The following SORCS2 variants were observed in gnomAD, a reference collection of about 807,000 sequenced individuals.
The protein encoded by SORCS2 is sortilin related VPS10 domain containing receptor 2, also known as VPS10 domain-containing receptor SorCS2.
A neutral mutation model predicts 141.6 loss-of-function variants in SORCS2; 100 were observed. That is an observed-to-expected ratio of 0.71 (90% CI 0.60 to 0.83). The LOEUF (loss-of-function observed/expected upper bound fraction) is 0.83, where lower values mean the gene tolerates loss of function less well. Ranked by LOEUF, SORCS2 falls within the 40% of genes least tolerant of loss-of-function variation. The pLI is 0.00. For missense variants in SORCS2, 1,646 were observed against 1,560.2 expected (o/e 1.05, Z -0.93); for synonymous variants, 789 against 676.9 (o/e 1.17, Z -2.57).
At position 7,676,070 on chromosome 4, in the gene SORCS2, G is replaced by C; in HGVS notation, c.1182G>C (p.Thr394=). ...CACAGGATCTGCAGATCATCAGCAC[G>C]GACGAGAGTCAGGTGTTCGTGGCGG... The part of the protein sequence containing the change: ...ALPKDLQIIS[T]DESQVFVAVQ... The change falls in exon 9 of 27, where the codon ACG becomes ACC. Residue 394 remains threonine (T), a synonymous_variant. Transcript: ENST00000507866. 1 of 1,589,104 alleles carries C rather than the reference G, an allele frequency of 6.3e-7. No individual in the cohort carries two copies. The highest frequency in any genetic ancestry group is 1.1e-5 in the South Asian group (1 of 87,132).
intron 3 of SORCS2, among the ~76,000 whole-genome samples, chr4:7,552,685 G>A (rs1713803016): frequency 2.0e-5 from 3 of 152,158 alleles, no homozygotes; most frequent in Admixed American, 2.0e-4. Flanking sequence ...CCTCAGTGGG[G>A]TGGGCATCTC....
intron 14 of SORCS2, among the ~76,000 whole-genome samples, chr4:7,707,333 C>A (rs1297448289): frequency 1.3e-5 from 2 of 152,188 alleles, no homozygotes; most frequent in African/African-American, 4.8e-5. Context: ...CCTCCCAGCT[C>A]CTGGCCAAGG....
chr4:7,608,618 A>G (rs949350819), intron 3 of SORCS2, among the ~76,000 whole-genome samples: 2 of 152,172 alleles, frequency 1.3e-5, no homozygotes, highest in African/African-American at 4.8e-5. Context: ...GGGACAGGGC[A>G]CTCAGTGACA....
chr4:7,728,274 C>T, intron 21 of SORCS2, 76 bp from the exon 22 acceptor site: 2 of 1,077,706 alleles, frequency 1.9e-6, no homozygotes, highest in Admixed American at 2.0e-5. Context: ...ATGTGGCTGC[C>T]CCCGACCCCC....
intron 2 of SORCS2, among the ~76,000 whole-genome samples, chr4:7,425,238 G>GACCTTCA (rs1726350406): frequency 6.6e-6 from 1 of 152,220 alleles, no homozygotes; most frequent in Non-Finnish European, 1.5e-5. Context: ...TGATCGCTGT[G>GACCTTCA]GGGTGACCTT....
chr4:7,565,061 C>T (rs374081341), intron 3 of SORCS2, among the ~76,000 whole-genome samples: 54 of 152,274 alleles, frequency 3.5e-4, no homozygotes, highest in African/African-American at 1.2e-3. Flanking sequence ...TTAGCTACCT[C>T]GAGCCAAAGG....
At chr4:7,725,130 C>T (rs1314753775) in intron 19 of SORCS2, 24 bp from the exon 20 acceptor site, 1 of 1,609,770 alleles carries the variant, frequency 6.2e-7, no homozygotes, top group Middle Eastern at 1.7e-4. Context: ...ATCATCTAAC[C>T]CTGGCCTTTT....
chr4:7,220,245 C>T (rs577357684), intron 1 of SORCS2, among the ~76,000 whole-genome samples: 8 of 151,280 alleles, frequency 5.3e-5, no homozygotes, highest in South Asian at 2.1e-4. Flanking sequence ...CCTGGCCTCC[C>T]GAGGCATTAA....
chr4:7,514,789 T>C (rs1040189055), intron 2 of SORCS2, among the ~76,000 whole-genome samples: 1 of 152,142 alleles, frequency 6.6e-6, no homozygotes, highest in African/African-American at 2.4e-5. Context: ...CGTAGGCCCA[T>C]GTGGCTGACC....
intron 4 of SORCS2, among the ~76,000 whole-genome samples, chr4:7,640,251 AGT>A (rs1372192015): frequency 5.9e-5 from 7 of 117,938 alleles, no homozygotes; most frequent in Non-Finnish European, 1.2e-4. Context: ...AACCTATGTG[AGT>A]GTGTATGTAT....
chr4:7,373,068 G>A (rs963776766), intron 1 of SORCS2, among the ~76,000 whole-genome samples: 1 of 148,970 alleles, frequency 6.7e-6, no homozygotes, highest in Non-Finnish European at 1.5e-5. Context: ...TGCAGGTCTT[G>A]GTGTGGATGT....
At chr4:7,612,880 T>C (rs546859202) in intron 3 of SORCS2, among the ~76,000 whole-genome samples, 2 of 80,376 alleles carry the variant, frequency 2.5e-5, no homozygotes, top group South Asian at 6.8e-4. Context: ...AGGGGACAGG[T>C]AGTGGGAGGA....
In SORCS2 at chr4:7,718,472, G is replaced by A. The variant is rs540500891; in HGVS notation, c.2424+289G>A. On this transcript the variant is annotated intron_variant, in intron 18 of 26. Coordinates refer to ENST00000507866, the MANE Select transcript of SORCS2 (RefSeq NM_020777.3). ...AGACGTGGTTTCACACATCGGGTGG[G>A]GGAGGGTGTAGTTACTGGCCTTGGT... is the stretch of plus-strand genomic sequence containing the variant. Among the ~76,000 whole-genome samples, 13 of 152,362 alleles carry A rather than the reference G, an allele frequency of 8.5e-5. No individual in the cohort carries two copies. The South Asian group carries it at 2.7e-3, about 32-fold the overall frequency.
chr4:7,433,562 G>T, intron 2 of SORCS2: 4 of 1,611,506 alleles, frequency 2.5e-6, no homozygotes, highest in Non-Finnish European at 3.4e-6. Flanking sequence ...GTGACGAAGT[G>T]CTTGCACTGG....
rs1726904985 is a variant in SORCS2, at chr4:7,192,591, G to C, written c.-56G>C. ...CCAGCGCCCTCCTGCTCTCCCGGCC[G>C]CGGTCCCCTCGTCCGCGCCGCCCCG... is the stretch of plus-strand genomic sequence containing the variant. On this transcript the variant is annotated 5_prime_UTR_variant, in exon 1 of 27. Coordinates refer to ENST00000507866, the MANE Select transcript of SORCS2 (RefSeq NM_020777.3). This position sits in a 1 kb window ranked among gnomAD's most constrained non-coding sequence, Gnocchi z 4.0. 1 of 986,928 alleles carries C rather than the reference G, an allele frequency of 1.0e-6. No individual in the cohort carries two copies. The highest frequency in any genetic ancestry group is 1.2e-6 in the Non-Finnish European group (1 of 831,486). 61.1% of individuals were successfully genotyped at this position (986,928 alleles called of 1,614,324 possible).
chr4:7,626,692 T>C (rs1200621151), intron 3 of SORCS2, among the ~76,000 whole-genome samples: 4 of 152,378 alleles, frequency 2.6e-5, no homozygotes, highest in Admixed American at 1.3e-4. Flanking sequence ...ATCTTGTTCA[T>C]GGAACTCACT....
intron 1 of SORCS2, among the ~76,000 whole-genome samples, chr4:7,314,154 G>A (rs1016918039): frequency 1.3e-5 from 2 of 152,134 alleles, no homozygotes; most frequent in Non-Finnish European, 2.9e-5. Context: ...GCCGTGCGGT[G>A]AGGGGGTGCC....
chr4:7,634,759 C>T (rs969148931), intron 3 of SORCS2, among the ~76,000 whole-genome samples: 3 of 152,264 alleles, frequency 2.0e-5, no homozygotes, highest in African/African-American at 7.2e-5. Flanking sequence ...GGGTCTGACA[C>T]GCAGGATCCT....
intron 3 of SORCS2, among the ~76,000 whole-genome samples, chr4:7,591,010 G>A (rs1207436071): frequency 6.6e-6 from 1 of 152,168 alleles, no homozygotes; most frequent in Non-Finnish European, 1.5e-5. Flanking sequence ...AGGTATGGTG[G>A]CCACATGGCT....
Sources: allele counts gnomAD v4.1 joint callset (sites outside exome capture counted in the v4.1 genomes callset), GRCh38; gene constraint gnomAD v4.1.1; non-coding constraint Gnocchi (gnomAD v3.1); transcripts MANE v1.5; gene names NCBI Gene and HGNC (gene_info 2026-07-23, HGNC 2026-07-21).